The following RP1 variants were observed in gnomAD, a reference collection of about 807,000 sequenced individuals.
RP1 encodes the protein RP1 axonemal microtubule associated.
RP1 carries 16 observed loss-of-function variants against 14.8 expected under a neutral mutation model. The ratio of observed to expected loss-of-function variants is 1.08; its 90% CI spans 0.73 to 1.65. The LOEUF (loss-of-function observed/expected upper bound fraction) is 1.65. RP1 is among the 40% of genes most tolerant of loss of function. The pLI is 0.00. For synonymous variants in RP1, 876 were observed against 883.6 expected (o/e 0.99, Z 0.15); for missense variants, 2,631 against 2,535.0 (o/e 1.04, Z -0.81).
chr8:54,568,291 AAGTC>A (rs1391112211), intron 1 of RP1, among the ~76,000 whole-genome samples: 2 of 152,178 alleles, frequency 1.3e-5, no homozygotes, highest in Non-Finnish European at 2.9e-5. Context: ...TTAGGGAAAA[AAGTC>A]AGAATCTTTT....
At chr8:54,614,313 A>G (rs1805662755), upstream of RP1, among the ~76,000 whole-genome samples, 2 of 152,258 alleles carry the variant, frequency 1.3e-5, no homozygotes. Context: ...CTCAGAGGCC[A>G]TGGCAATTGA....
intron 8 of RP1, among the ~76,000 whole-genome samples, chr8:54,676,273 A>G (rs1417318205): frequency 1.3e-5 from 2 of 152,218 alleles, no homozygotes; most frequent in African/African-American, 4.8e-5. Context: ...TATAAAAACT[A>G]CAAGTTTTCA....
At chr8:54,816,231 A>C (rs936168913) in intron 24 of RP1, among the ~76,000 whole-genome samples, 5 of 152,242 alleles carry the variant, frequency 3.3e-5, no homozygotes, top group African/African-American at 9.6e-5. Flanking sequence ...TGAAAGCTGC[A>C]TTCTAAAATG....
intron 24 of RP1, among the ~76,000 whole-genome samples, chr8:54,825,673 G>T (rs534584056): frequency 1.3e-5 from 2 of 152,310 alleles, no homozygotes; most frequent in Admixed American, 6.5e-5. Context: ...CTGTCTAGTT[G>T]TTTTATTAAT....
At chr8:54,612,176 A>G (rs1006700902), upstream of RP1, among the ~76,000 whole-genome samples, 2 of 152,214 alleles carry the variant, frequency 1.3e-5, no homozygotes, top group Non-Finnish European at 2.9e-5. Context: ...AATCCCCTGG[A>G]AGCCACTTCT....
At chr8:54,568,711 G>T (rs562101633) in intron 1 of RP1, among the ~76,000 whole-genome samples, 1 of 152,340 alleles carries the variant, frequency 6.6e-6, no homozygotes, top group East Asian at 1.9e-4. Context: ...TATGTGCCAG[G>T]CACATTGTAA....
Position 54,626,198 on chromosome 8 carries a change from A to C in RP1, c.2316A>C (p.Gly772=). Residue 772 remains glycine, a synonymous_variant, in exon 4 of 4, where the codon GGA becomes GGC. Coordinates refer to ENST00000220676, the MANE Select transcript of RP1 (RefSeq NM_006269.2). ...CTACTCAAAATTCCAAGGTTCAAGG[A>C]CTTTTAACCAAAAGAAAATCTAGAT... is the stretch of plus-strand genomic sequence containing the variant. ...LNTTQNSKVQ[G]LLTKRKSRSL... 1 of 1,609,498 alleles carries C rather than the reference A, an allele frequency of 6.2e-7. No homozygotes were observed.
chr8:54,567,072 G>C (rs1259989791), intron 1 of RP1, among the ~76,000 whole-genome samples: 2 of 152,168 alleles, frequency 1.3e-5, no homozygotes, highest in Non-Finnish European at 2.9e-5. Flanking sequence ...TGAACCCTGG[G>C]TGTTCCCTGA....
chr8:54,778,314 T>G (rs901349345), intron 23 of RP1, among the ~76,000 whole-genome samples: 24 of 113,690 alleles, frequency 2.1e-4, no homozygotes, highest in Non-Finnish European at 1.4e-4. Context: ...TGTTAATGCT[T>G]CTTCTTCTTT....
chr8:54,703,333 A>G (rs1475547042), intron 14 of RP1, among the ~76,000 whole-genome samples: 2 of 152,228 alleles, frequency 1.3e-5, no homozygotes, highest in African/African-American at 4.8e-5. Flanking sequence ...TGAAAATAAC[A>G]TTAATCTCCT....
intron 3 of RP1, among the ~76,000 whole-genome samples, chr8:54,624,457 A>T (rs1317439297): frequency 2.7e-5 from 4 of 150,840 alleles, no homozygotes; most frequent in Non-Finnish European, 4.4e-5. Context: ...AAAAAAAAAA[A>T]AAAAAAAAAA....
intron 12 of RP1, chr8:54,699,371 G>A (rs1807957607): frequency 2.2e-6 from 1 of 464,450 alleles, no homozygotes; most frequent in Non-Finnish European, 3.6e-6. Flanking sequence ...TAATTGAGAA[G>A]TTTAAAATAT....
intron 24 of RP1, among the ~76,000 whole-genome samples, chr8:54,825,826 T>TG (rs1433847467): frequency 4.0e-5 from 6 of 151,814 alleles, no homozygotes; most frequent in Admixed American, 3.9e-4. Context: ...AATTCCACTG[T>TG]GGGGGGCAGA....
upstream of RP1, among the ~76,000 whole-genome samples, chr8:54,614,551 T>C (rs1805669643): frequency 6.6e-6 from 1 of 152,108 alleles, no homozygotes; most frequent in South Asian, 2.1e-4. Flanking sequence ...AGATACACAC[T>C]GATATGTGCC....
At chr8:54,790,716 C>T (rs1225963076) in intron 24 of RP1, among the ~76,000 whole-genome samples, 1 of 152,108 alleles carries the variant, frequency 6.6e-6, no homozygotes, top group African/African-American at 2.4e-5. Context: ...AAATTCAGTA[C>T]AGAGCTTCAA....
At chr8:54,663,867 T>A (rs770670148) in intron 7 of RP1, 2 of 1,508,420 alleles carry the variant, frequency 1.3e-6, no homozygotes, top group South Asian at 2.6e-5. Context: ...AAAATGCCCT[T>A]TGATTTTAAA....
chr8:54,707,160 A>G (rs952676266), intron 15 of RP1, among the ~76,000 whole-genome samples: 1 of 152,196 alleles, frequency 6.6e-6, no homozygotes. Context: ...ATTTTTAGAG[A>G]CAGAGTCTCA....
intron 7 of RP1, among the ~76,000 whole-genome samples, chr8:54,672,384 A>G (rs1807199282): frequency 6.6e-6 from 1 of 152,164 alleles, no homozygotes; most frequent in African/African-American, 2.4e-5. Flanking sequence ...TATGCCAGGT[A>G]GGGGTAGGGC....
chr8:54,635,367 G>T (rs890985823), downstream of RP1, among the ~76,000 whole-genome samples: 1 of 152,052 alleles, frequency 6.6e-6, no homozygotes, highest in Non-Finnish European at 1.5e-5. Context: ...TACTACTTAC[G>T]TAAGACTGCT....
Sources: gnomAD v4.1 joint callset for allele counts (sites outside exome capture counted in the v4.1 genomes callset) on GRCh38, gnomAD v4.1.1 for gene constraint, MANE v1.5 for transcripts, NCBI Gene and HGNC (gene_info 2026-07-23, HGNC 2026-07-21) for gene names.